HTR5A: variants seen among roughly 807,000 people sequenced by gnomAD.
The protein encoded by HTR5A is 5-HT-5.
A neutral mutation model predicts 24.3 loss-of-function variants in HTR5A; 21 were observed. The ratio of observed to expected loss-of-function variants is 0.86; its 90% confidence interval spans 0.61 to 1.24. The LOEUF is 1.24. Among genes scored for constraint, HTR5A ranks in the 50% most tolerant of loss-of-function variants. The pLI is 0.00. For synonymous variants in HTR5A, 260 were observed against 213.7 expected (o/e 1.22, Z -1.89); for missense variants, 497 against 489.5 (o/e 1.02, Z -0.15).
chr7:155,071,814 T>C (rs746947839), intron 1 of HTR5A, among the ~76,000 whole-genome samples, 174 bp downstream of exon 1: 1 of 152,196 alleles, frequency 6.6e-6, no homozygotes, highest in Non-Finnish European at 1.5e-5. Flanking sequence ...TGCTCTGACA[T>C]GTTCCCTCTC....
chr7:155,075,125 T>G (rs2150818222), intron 1 of HTR5A, among the ~76,000 whole-genome samples: 1 of 152,374 alleles, frequency 6.6e-6, no homozygotes, highest in Admixed American at 6.5e-5. Context: ...ATCAGTAGAC[T>G]AAGTCTAAAA....
chr7:155,086,638 A>G lies in HTR5A; in HGVS notation c.*2151A>G, dbSNP rs753116. Among the ~76,000 whole-genome samples, 118,280 of 152,128 alleles carry G rather than the reference A, an allele frequency of 0.78. 46,938 individuals carry two copies. Among genetic ancestry groups the G allele is most frequent in the African/African-American group, 0.95 (39,281 of 41,528 alleles). ...ATTATATACAACATACTCCACATACACTATCTAGAGCAAGAAACATTCCAC... is the reference window on the plus strand; with the variant it reads ...ATTATATACAACATACTCCACATACGCTATCTAGAGCAAGAAACATTCCAC... On this transcript the variant is annotated 3_prime_UTR_variant, in exon 2 of 2. Transcript: ENST00000287907.
Position 155,084,419 on chromosome 7 carries a change from CT to C in HTR5A, c.1007del (p.Leu336ArgfsTer29), listed in dbSNP as rs1563423655. 5 of 1,614,206 alleles carry C rather than the reference CT, an allele frequency of 3.1e-6. No homozygotes were observed. The highest frequency in any genetic ancestry group is 1.7e-5 in the Admixed American group (1 of 60,028). On this transcript the variant is annotated frameshift_variant, in exon 2 of 2. Coordinates refer to ENST00000287907, the MANE Select transcript of HTR5A (RefSeq NM_024012.4). LOFTEE classifies it high-confidence loss of function. Reference protein sequence around the residue: ...LGYSNSFFNPLIYTAFNKNYN... With the variant: ...LGYSNSFFNPXIYTAFNKNYN... The stretch of plus-strand genomic sequence containing the variant: ...CTACTCCAACTCCTTCTTTAACCCC[CT>C]GATCTATACGGCTTTCAACAAGAAC...
chr7:155,071,373 C>CA lies in HTR5A; in HGVS notation c.476dup (p.Asn159LysfsTer29). 1 of 1,614,080 alleles carries CA rather than the reference C, an allele frequency of 6.2e-7. No individual in the cohort carries two copies. Among genetic ancestry groups the CA allele is most frequent in the Non-Finnish European group, 8.5e-7 (1 of 1,180,046 alleles). On this transcript the variant is annotated frameshift_variant, in exon 1 of 2. Coordinates refer to ENST00000287907, the MANE Select transcript of HTR5A (RefSeq NM_024012.4). LOFTEE classifies it high-confidence loss of function. ...CGCTCCGCACCCGCAAGTGCGTCTC[C>CA]AACGTCATGATCGCGCTCACCTGGG... is the stretch of plus-strand genomic sequence containing the variant.
intron 1 of HTR5A, among the ~76,000 whole-genome samples, chr7:155,078,865 T>C (rs2463906): frequency 0.28 from 42,987 of 151,708 alleles, 6,463 homozygotes; most frequent in East Asian, 0.53. Context: ...AACAAAATTA[T>C]AAATTCTATA....
Position 155,082,667 on chromosome 7 carries a change from G to A in HTR5A, c.742-1488G>A, listed in dbSNP as rs111264321. Among the ~76,000 whole-genome samples the A allele has an allele frequency of 3.7e-3, 571 of 152,334 alleles. 4 individuals carry two copies. The highest frequency in any genetic ancestry group is 0.013 in the African/African-American group (545 of 41,570). ...CCGTCTTGGGACAATATGGAAAACA[G>A]CTTCCCTGATATTATTAGGGGGTTG... is the stretch of plus-strand genomic sequence containing the variant. On this transcript the variant is annotated intron_variant, in intron 1 of 1. Transcript: ENST00000287907.
intron 1 of HTR5A, among the ~76,000 whole-genome samples, chr7:155,081,347 A>AGAGTGGT (rs1795415242): frequency 6.6e-6 from 1 of 152,230 alleles, no homozygotes; most frequent in South Asian, 2.1e-4. Flanking sequence ...ATAAAAGAAC[A>AGAGTGGT]TACCAGATTT....
Position 155,071,394 on chromosome 7 carries a change from C to T in HTR5A, c.495C>T (p.Thr165=). ...KCVSNVMIAL[T]WALSAVISLA... ...TCTCCAACGTCATGATCGCGCTCAC[C>T]TGGGCACTCTCCGCTGTCATCTCTC... is the stretch of plus-strand genomic sequence containing the variant. The change falls in exon 1 of 2, where the codon ACC becomes ACT. Residue 165 remains threonine, a synonymous_variant. Coordinates refer to ENST00000287907, the MANE Select transcript of HTR5A (RefSeq NM_024012.4). 3 of 1,614,160 alleles carry T rather than the reference C, an allele frequency of 1.9e-6. No homozygotes were observed. The highest frequency in any genetic ancestry group is 1.3e-5 in the African/African-American group (1 of 75,072).
chr7:155,075,283 T>A (rs201703260), intron 1 of HTR5A, among the ~76,000 whole-genome samples: 1 of 144,484 alleles, frequency 6.9e-6, no homozygotes, highest in African/African-American at 2.5e-5. Context: ...TTTGGTCCTC[T>A]TAATGATGAA....
At position 155,071,168 on chromosome 7, in the gene HTR5A, C is replaced by T. The variant is rs1264021769; in HGVS notation, c.269C>T (p.Ala90Val). 6.2e-7 allele frequency: 1 copy of T among 1,603,090 alleles called. No individual in the cohort carries two copies. Among genetic ancestry groups the T allele is most frequent in the South Asian group, 1.1e-5 (1 of 91,062 alleles). ...ATGGCCGTCTCGGATGTCCTGGTGGCCGCGCTGGTCATGCCGCTGAGCCTG... is the reference window on the plus strand; with the variant it reads ...ATGGCCGTCTCGGATGTCCTGGTGGTCGCGCTGGTCATGCCGCTGAGCCTG... ...ASMAVSDVLVAALVMPLSLVH... is the reference protein window; with the variant it reads ...ASMAVSDVLVVALVMPLSLVH... The change falls in exon 1 of 2, where the codon GCC becomes GTC. Residue 90 changes from alanine to valine, a missense_variant. By Grantham distance (64) the Ala-to-Val change is moderately conservative. Transcript: ENST00000287907.
intron 1 of HTR5A, among the ~76,000 whole-genome samples, chr7:155,077,474 T>G (rs1361642859): frequency 6.6e-6 from 1 of 150,420 alleles, no homozygotes; most frequent in Non-Finnish European, 1.5e-5. Context: ...TTGTTTTTTT[T>G]TTTTTTTGAG....
At chr7:155,076,650 C>A (rs1349033724) in intron 1 of HTR5A, among the ~76,000 whole-genome samples, 2 of 152,160 alleles carry the variant, frequency 1.3e-5, no homozygotes, top group Admixed American at 6.5e-5. Context: ...ATTCCCCTTC[C>A]TTGTCTAAGG....
chr7:155,083,289 A>G (rs1795437871), intron 1 of HTR5A, among the ~76,000 whole-genome samples: 1 of 152,294 alleles, frequency 6.6e-6, no homozygotes, highest in Non-Finnish European at 1.5e-5. Context: ...AGTCTCACTC[A>G]CCAGAGAATG....
Position 155,072,163 on chromosome 7 carries a change from C to T in HTR5A, c.741+523C>T, listed in dbSNP as rs570681436. On this transcript the variant is annotated intron_variant, in intron 1 of 1. Coordinates refer to ENST00000287907, the MANE Select transcript of HTR5A (RefSeq NM_024012.4). ...TCTTTTTCTTTGCAAATTACAGCAGCCGGTTTATTAAAAATATGGTATCAC... is the reference window on the plus strand; with the variant it reads ...TCTTTTTCTTTGCAAATTACAGCAGTCGGTTTATTAAAAATATGGTATCAC... Among the ~76,000 whole-genome samples, 288 of 152,258 alleles carry T rather than the reference C, an allele frequency of 1.9e-3. 2 individuals are homozygous for T. The highest frequency in any genetic ancestry group is 6.4e-3 in the African/African-American group (265 of 41,532).
chr7:155,084,453 G>A lies in HTR5A; in HGVS notation c.1040G>A (p.Ser347Asn). 1.2e-6 allele frequency: 2 copies of A among 1,613,310 alleles called. No homozygotes were observed. Among genetic ancestry groups the A allele is most frequent in the South Asian group, 2.2e-5 (2 of 90,992 alleles). ...ACGGCTTTCAACAAGAACTACAACA[G>A]CGCCTTCAAGAACTTCTTTTCTAGG... ...IYTAFNKNYN[S>N]AFKNFFSRQH Residue 347 changes from serine to asparagine, a missense_variant, in exon 2 of 2, where the codon AGC becomes AAC. Physicochemically the swap from Ser to Asn is conservative, Grantham distance 46. Transcript: ENST00000287907.
chr7:155,082,885 T>A (rs1472785218), intron 1 of HTR5A, among the ~76,000 whole-genome samples: 1 of 152,228 alleles, frequency 6.6e-6, no homozygotes. Flanking sequence ...TTATTTTATA[T>A]GTGTTTTTAA....
In HTR5A at chr7:155,086,024, G is replaced by A. The variant is rs753584003; in HGVS notation, c.*1537G>A. ...AGAATTGAAGAATTTATTTAGAAACGTCCTTAGATTTTTCATCTGTATATA... is the reference window on the plus strand; with the variant it reads ...AGAATTGAAGAATTTATTTAGAAACATCCTTAGATTTTTCATCTGTATATA... On this transcript the variant is annotated 3_prime_UTR_variant, in exon 2 of 2. Coordinates refer to ENST00000287907, the MANE Select transcript of HTR5A (RefSeq NM_024012.4). 2.5e-4 allele frequency among the ~76,000 whole-genome samples: 38 copies of A among 152,086 alleles called. No homozygotes were observed. Among genetic ancestry groups the A allele is most frequent in the African/African-American group, 4.8e-4 (20 of 41,412 alleles).
intron 1 of HTR5A, among the ~76,000 whole-genome samples, chr7:155,080,802 G>A (rs1189344983): frequency 1.3e-5 from 2 of 152,232 alleles, no homozygotes; most frequent in Non-Finnish European, 2.9e-5. Context: ...GGGGTTTTCT[G>A]ATGGAATGGG....
rs761345698 is a variant in HTR5A at position 155,084,239 on chromosome 7, C to T, written c.826C>T (p.Arg276Trp). Residue 276 changes from arginine (R) to tryptophan (W), a missense_variant, in exon 2 of 2, where the codon CGG becomes TGG. By Grantham distance (101) the Arg-to-Trp change is moderately radical (BLOSUM62 -3). Coordinates refer to ENST00000287907, the MANE Select transcript of HTR5A (RefSeq NM_024012.4). Reference protein sequence around the residue: ...VTFQPEGDTWREQKEQRAALM... With the variant: ...VTFQPEGDTWWEQKEQRAALM... ...CTTCCAGCCAGAAGGGGACACGTGG[C>T]GGGAGCAGAAGGAGCAGCGGGCCGC... 5.1e-5 allele frequency: 83 copies of T among 1,613,930 alleles called. No individual in the cohort carries two copies. Among genetic ancestry groups the T allele is most frequent in the Non-Finnish European group, 6.6e-5 (78 of 1,180,002 alleles).
Sources: allele counts gnomAD v4.1 joint callset (sites outside exome capture counted in the v4.1 genomes callset), GRCh38; gene constraint gnomAD v4.1.1; transcripts MANE v1.5; gene names NCBI Gene and HGNC (gene_info 2026-07-23, HGNC 2026-07-21).